Variants in OTOG observed in about 807,000 individuals in gnomAD.
The protein encoded by OTOG is otogelin.
A neutral mutation model predicts 313.8 loss-of-function variants in OTOG; 296 were observed. The ratio of observed to expected loss-of-function variants is 0.94; its 90% CI spans 0.86 to 1.04. The LOEUF (loss-of-function observed/expected upper bound fraction) is 1.04, where lower values mean the gene tolerates loss of function less well. OTOG is among the 50% of genes least tolerant of loss of function. The pLI is 0.00. For synonymous variants in OTOG, 1,533 were observed against 1,554.9 expected (o/e 0.99, Z 0.33); for missense variants, 3,948 against 3,840.1 (o/e 1.03, Z -0.74).
Position 17,608,431 on chromosome 11 carries a change from G to A in OTOG, c.4274+18G>A, listed in dbSNP as rs112783505. The A allele has an allele frequency of 5.3e-6, 8 of 1,500,834 alleles. No homozygotes were observed. In the East Asian group the frequency reaches 2.0e-4, roughly 37 times the overall value. The allele number at this position is 1,500,834 out of a possible 1,614,324, so 93.0% of individuals were successfully genotyped here. A position where few individuals can be genotyped will look rare whatever the true frequency, so the allele number is the denominator to read the frequency against. On this transcript the variant is annotated intron_variant, in intron 34 of 55. Transcript: ENST00000399397. ...GTACCCAGGTGAGATGCCAGGGGCT[G>A]TGGGCATGGAGCCAAGGTGTGTGCA...
In OTOG at chr11:17,552,954, G is replaced by A. The variant is rs528384914; in HGVS notation, c.293-165G>A. On this transcript the variant is annotated intron_variant, in intron 4 of 55. Coordinates refer to ENST00000399397, the MANE Select transcript of OTOG (RefSeq NM_001292063.2). ...ACCCCACCGGCTTGCCAGGGAGGGGGCAGGGCTGTGGTCTGAGGCACCAGC... is the reference window on the plus strand; with the variant it reads ...ACCCCACCGGCTTGCCAGGGAGGGGACAGGGCTGTGGTCTGAGGCACCAGC... Among the ~76,000 whole-genome samples, 8 of 152,366 alleles carry A rather than the reference G, an allele frequency of 5.3e-5. No individual in the cohort carries two copies. The East Asian group carries it at 1.5e-3, about 29-fold the overall frequency.
At chr11:17,563,404 C>T (rs1852231578) in intron 15 of OTOG, among the ~76,000 whole-genome samples, 2 of 152,216 alleles carry the variant, frequency 1.3e-5, no homozygotes, top group African/African-American at 2.4e-5. Context: ...ACTCCATGGC[C>T]CTGGGGACAC....
Position 17,558,647 on chromosome 11 carries a change from G to A in OTOG, c.1103+3G>A. 3 of 1,549,000 alleles carry A rather than the reference G, an allele frequency of 1.9e-6. No individual in the cohort carries two copies. Among genetic ancestry groups the A allele is most frequent in the Non-Finnish European group, 2.6e-6 (3 of 1,146,884 alleles). Reference sequence around the variant, plus strand: ...AGTTGTACCAGTGATCTCTGCCAGTGAGTAGGGGTGGTGTGGGCTATGGGG... The same window carrying A: ...AGTTGTACCAGTGATCTCTGCCAGTAAGTAGGGGTGGTGTGGGCTATGGGG... On this transcript the variant is annotated splice_donor_region_variant and intron_variant, in intron 10 of 55. Transcript: ENST00000399397.
At chr11:17,562,332 T>A (rs2108334) in intron 15 of OTOG, among the ~76,000 whole-genome samples, 43,739 of 151,516 alleles carry the variant, frequency 0.29, 8,660 homozygotes, top group African/African-American at 0.57. Context: ...GTCTTCACAC[T>A]TAAAGAAAAT....
At chr11:17,605,125 G>A (rs1853350554) in intron 32 of OTOG, among the ~76,000 whole-genome samples, 1 of 152,182 alleles carries the variant, frequency 6.6e-6, no homozygotes, top group South Asian at 2.1e-4. Context: ...TGGGATTCCC[G>A]CCCCATGCTC....
At chr11:17,591,194 C>A (rs188521232) in intron 24 of OTOG, among the ~76,000 whole-genome samples, 1 of 152,206 alleles carries the variant, frequency 6.6e-6, no homozygotes, top group East Asian at 1.9e-4. Flanking sequence ...GGAGTGTAGA[C>A]TTTGGAGTTA....
At chr11:17,561,206 TC>T (rs1055870166) in intron 14 of OTOG, 69 bp downstream of exon 14, 1 of 1,521,748 alleles carries the variant, frequency 6.6e-7, no homozygotes, top group African/African-American at 1.4e-5. Flanking sequence ...GCAAGGAATC[TC>T]TGGGGGCCAG....
rs1375515882 is a variant in OTOG, at chr11:17,559,564, A to G, written c.1244A>G (p.Tyr415Cys). ...CACTGCAAGGAGAAGGCCTTTACCT[A>G]CAATGAGTGCATCGCCTGCTGCCCT... ...TVHCKEKAFT[Y>C]NECIACCPAS... Residue 415 changes from tyrosine (Y) to cysteine (C), a missense_variant, in exon 12 of 56, where the codon TAC becomes TGC. By Grantham distance (194) the Tyr-to-Cys change is radical. Transcript: ENST00000399397. 7.7e-6 allele frequency: 12 copies of G among 1,550,576 alleles called. No individual in the cohort carries two copies. In the South Asian group the frequency reaches 1.2e-4, roughly 15 times the overall value.
intron 39 of OTOG, among the ~76,000 whole-genome samples, chr11:17,622,171 C>G (rs1853880367): frequency 6.6e-6 from 1 of 152,162 alleles, no homozygotes; most frequent in Non-Finnish European, 1.5e-5. Context: ...GAGGCTCCCT[C>G]TACATAATAG....
At chr11:17,561,912 C>T (rs1001836776) in intron 15 of OTOG, 105 bp downstream of exon 15, 3 of 1,351,008 alleles carry the variant, frequency 2.2e-6, no homozygotes, top group African/African-American at 2.9e-5. Flanking sequence ...CCATGGCCCC[C>T]ACCTGCTGCC....
At position 17,610,858 on chromosome 11, in the gene OTOG, C is replaced by A; in HGVS notation, c.5558C>A (p.Pro1853Gln). 4.5e-6 allele frequency: 7 copies of A among 1,550,936 alleles called. No homozygotes were observed. The highest frequency in any genetic ancestry group is 6.1e-6 in the Non-Finnish European group (7 of 1,147,014). ...CTTAGCCCAGTACTGCCTTTCACTC[C>A]AGCAGCAATGACCCAGGCGCACCCA... ...QTLSPVLPFTPAAMTQAHPPT... is the reference protein window; with the variant it reads ...QTLSPVLPFTQAAMTQAHPPT... Residue 1853 changes from proline to glutamine, a missense_variant, in exon 36 of 56, where the codon CCA becomes CAA. By Grantham distance (76) the Pro-to-Gln change is moderately conservative. Coordinates refer to ENST00000399397, the MANE Select transcript of OTOG (RefSeq NM_001292063.2).
At chr11:17,640,659 C>G in intron 49 of OTOG, 86 bp from the exon 50 acceptor site, 1 of 1,379,552 alleles carries the variant, frequency 7.2e-7, no homozygotes, top group Non-Finnish European at 9.9e-7. Context: ...GAGGGACTGA[C>G]GTAGAGAGGG....
intron 39 of OTOG, among the ~76,000 whole-genome samples, chr11:17,624,451 T>A (rs1314104067): frequency 6.6e-6 from 1 of 152,214 alleles, no homozygotes; most frequent in Non-Finnish European, 1.5e-5. Flanking sequence ...TTGTAGAAGA[T>A]CAGACAGCTG....
Position 17,610,248 on chromosome 11 carries a change from TC to T in OTOG, c.4952del (p.Pro1651LeufsTer18). On this transcript the variant is annotated frameshift_variant, in exon 36 of 56. Coordinates refer to ENST00000399397, the MANE Select transcript of OTOG (RefSeq NM_001292063.2). LOFTEE classifies it high-confidence loss of function. ...AAGTCCCTCCTCCAGACCTGTGGCT[TC>T]CCCTGGAGCCATCTCCAGGTCCCCC... ...TASPSSRPVA[S>X]PGAISRSPTS... 2 of 1,550,392 alleles carry T rather than the reference TC, an allele frequency of 1.3e-6. No homozygotes were observed. The highest frequency in any genetic ancestry group is 2.4e-5 in the South Asian group (2 of 84,040).
intron 23 of OTOG, among the ~76,000 whole-genome samples, chr11:17,579,877 A>C (rs1852626705): frequency 6.6e-6 from 1 of 152,156 alleles, no homozygotes; most frequent in Admixed American, 6.5e-5. Context: ...CAGTTTGGCC[A>C]ATGACCCATT....
chr11:17,618,141 T>C (rs1292600472), intron 39 of OTOG, among the ~76,000 whole-genome samples: 1 of 152,194 alleles, frequency 6.6e-6, no homozygotes, highest in Non-Finnish European at 1.5e-5. Flanking sequence ...GATCTCGTGA[T>C]CCACCCGCCT....
chr11:17,632,823 C>T (rs971210581), intron 42 of OTOG, among the ~76,000 whole-genome samples: 2 of 152,114 alleles, frequency 1.3e-5, no homozygotes, highest in Admixed American at 6.6e-5. Flanking sequence ...CTGGGATTGG[C>T]TCACAGGAAG....
At chr11:17,622,281 A>G (rs1460445001) in intron 39 of OTOG, among the ~76,000 whole-genome samples, 1 of 152,164 alleles carries the variant, frequency 6.6e-6, no homozygotes, top group Non-Finnish European at 1.5e-5. Context: ...TGGGGTACAT[A>G]AGAGATTTTG....
chr11:17,572,051 G>A, intron 17 of OTOG, 29 bp from the exon 18 acceptor site: 4 of 1,550,224 alleles, frequency 2.6e-6, no homozygotes, highest in Non-Finnish European at 8.7e-7. Flanking sequence ...AGGGGCAAGT[G>A]TGTGAATATG....
Sources: gnomAD v4.1 joint callset for allele counts (sites outside exome capture counted in the v4.1 genomes callset) on GRCh38, gnomAD v4.1.1 for gene constraint, MANE v1.5 for transcripts, NCBI Gene and HGNC (gene_info 2026-07-23, HGNC 2026-07-21) for gene names.